The following ARHGEF37 variants were observed in gnomAD, a reference collection of about 807,000 sequenced individuals.
ARHGEF37 encodes Rho guanine nucleotide exchange factor 37, also known as Rho guanine nucleotide exchange factor (GEF) 37.
Under a neutral mutation model 71.1 loss-of-function variants are expected in ARHGEF37, and 55 were observed. That is an observed-to-expected ratio of 0.77 (90% confidence interval 0.62 to 0.97). ARHGEF37 has a LOEUF of 0.97. Among genes scored for constraint, ARHGEF37 ranks in the 50% least tolerant of loss-of-function variants. The pLI is 0.00. For missense variants in ARHGEF37, 765 were observed against 836.8 expected (o/e 0.91, Z 1.06); for synonymous variants, 327 against 350.6 (o/e 0.93, Z 0.75).
In ARHGEF37 at chr5:149,627,280, G is replaced by A. The variant is rs777741512; in HGVS notation, c.1660+9G>A. 10 of 1,609,772 alleles carry A rather than the reference G, an allele frequency of 6.2e-6. No homozygotes were observed. The highest frequency in any genetic ancestry group is 4.5e-5 in the East Asian group (2 of 44,848). On this transcript the variant is annotated intron_variant, in intron 11 of 12. Transcript: ENST00000333677. The stretch of plus-strand genomic sequence containing the variant: ...GCTGGTGGACACCGGGGGTACGTGA[G>A]CCTTTGGGAGCCCTTCTTCTCCTTC...
intron 3 of ARHGEF37, among the ~76,000 whole-genome samples, chr5:149,607,703 G>A (rs1763952522): frequency 6.6e-6 from 1 of 151,810 alleles, no homozygotes; most frequent in Admixed American, 6.6e-5. Flanking sequence ...GGGGCAGGGG[G>A]TGGATCTCAC....
At chr5:149,587,334 A>T (rs1213478568) in intron 1 of ARHGEF37, among the ~76,000 whole-genome samples, 1 of 152,186 alleles carries the variant, frequency 6.6e-6, no homozygotes, top group Non-Finnish European at 1.5e-5. Context: ...AACTTCATAC[A>T]TCTGATCAAT....
chr5:149,573,156 A>G (rs1762988537), intron 1 of ARHGEF37, among the ~76,000 whole-genome samples: 1 of 152,200 alleles, frequency 6.6e-6, no homozygotes, highest in Non-Finnish European at 1.5e-5. Flanking sequence ...CACCAGAGTA[A>G]GAATTTACTC....
intron 1 of ARHGEF37, among the ~76,000 whole-genome samples, chr5:149,582,440 A>T (rs957008908): frequency 6.6e-6 from 1 of 152,210 alleles, no homozygotes; most frequent in Non-Finnish European, 1.5e-5. Flanking sequence ...GTGATCCAGG[A>T]AGCATAGTTT....
rs192473422 is a variant in ARHGEF37 at position 149,564,427 on chromosome 5, A to G, written c.-12+12304A>G. Among the ~76,000 whole-genome samples the G allele has an allele frequency of 1.2e-3, 178 of 152,234 alleles. 2 individuals are homozygous for G. Among genetic ancestry groups the G allele is most frequent in the Middle Eastern group, 3.4e-3 (1 of 294 alleles). ...CTTGAACTCAAATTTTTCTTACTCCAAAGAACCTGCTTTTTCATTTCTCCC... is the reference window on the plus strand; with the variant it reads ...CTTGAACTCAAATTTTTCTTACTCCGAAGAACCTGCTTTTTCATTTCTCCC... On this transcript the variant is annotated intron_variant, in intron 1 of 2. Transcript: ENST00000505810.
intron 8 of ARHGEF37, 31 bp from the exon 9 acceptor site, chr5:149,621,702 T>C (rs1294993599): frequency 8.9e-6 from 14 of 1,581,474 alleles, no homozygotes; most frequent in Non-Finnish European, 1.2e-5. Context: ...CCACCTCCTT[T>C]CCCGACTCCC....
chr5:149,555,428 C>T lies in ARHGEF37; in HGVS notation c.-12+3305C>T, dbSNP rs895032163. Among the ~76,000 whole-genome samples the T allele has an allele frequency of 4.4e-4, 67 of 151,960 alleles. 1 individual carries two copies. Among genetic ancestry groups the T allele is most frequent in the Admixed American group, 1.2e-3 (18 of 15,254 alleles). On this transcript the variant is annotated intron_variant, in intron 1 of 2. Coordinates refer to the ARHGEF37 transcript ENST00000505810. Reference sequence around the variant, plus strand: ...AAGCAATCCCCCTGCCTCAAGCTTCCCCAGTAGCTAGGACTATAGGCAGGC... The same window carrying T: ...AAGCAATCCCCCTGCCTCAAGCTTCTCCAGTAGCTAGGACTATAGGCAGGC...
At chr5:149,589,297 A>G (rs939244011) in intron 1 of ARHGEF37, among the ~76,000 whole-genome samples, 1 of 151,736 alleles carries the variant, frequency 6.6e-6, no homozygotes, top group Non-Finnish European at 1.5e-5. Context: ...AAGTTTTATT[A>G]TGTTTTTAAT....
intron 3 of ARHGEF37, 35 bp from the exon 4 acceptor site, chr5:149,609,513 C>G: frequency 6.2e-7 from 1 of 1,610,418 alleles, no homozygotes; most frequent in Non-Finnish European, 8.5e-7. Flanking sequence ...CACAGACATG[C>G]CCTTGACGAC....
intron 1 of ARHGEF37, among the ~76,000 whole-genome samples, chr5:149,558,266 G>C (rs902786955): frequency 6.6e-6 from 1 of 152,156 alleles, no homozygotes; most frequent in Non-Finnish European, 1.5e-5. Flanking sequence ...CCAGCACTTT[G>C]GGAGGCTGAG....
intron 12 of ARHGEF37, among the ~76,000 whole-genome samples, chr5:149,631,480 A>G (rs1043050316): frequency 6.6e-6 from 1 of 152,046 alleles, no homozygotes; most frequent in Admixed American, 6.5e-5. Context: ...CCAGTTCTAT[A>G]CTTTTCTGTA....
At chr5:149,598,046 T>C in intron 2 of ARHGEF37, 91 bp downstream of exon 2, 1 of 1,439,314 alleles carries the variant, frequency 6.9e-7, no homozygotes. Context: ...TGGGGCAAGC[T>C]TGACAGAAAG....
At chr5:149,628,127 C>T (rs1314734434) in intron 11 of ARHGEF37, among the ~76,000 whole-genome samples, 2 of 152,184 alleles carry the variant, frequency 1.3e-5, no homozygotes, top group African/African-American at 4.8e-5. Context: ...GGGTATTAAG[C>T]AAGGCCCCCG....
chr5:149,618,817 G>A (rs67057970), intron 6 of ARHGEF37, 121 bp from the exon 7 acceptor site: 42,556 of 796,664 alleles, frequency 0.053, 1,670 homozygotes, highest in East Asian at 0.17. Flanking sequence ...TTGGGGTTGC[G>A]AGAACCAGCT....
At position 149,632,058 on chromosome 5, in the gene ARHGEF37, T is replaced by C; in HGVS notation, c.1895T>C (p.Leu632Pro). ...SLQAGQPVTI[L>P]EAQDKKGNPE... ...CAGGCAGGCCAGCCTGTGACCATCC[T>C]GGAGGCCCAGGACAAGAAGGGGAAC... is the stretch of plus-strand genomic sequence containing the variant. Residue 632 changes from leucine to proline, a missense_variant, in exon 13 of 13, where the codon CTG becomes CCG. Physicochemically the swap from Leu to Pro is moderately conservative, Grantham distance 98. Around this residue, in one of 5 missense-constraint regions of ARHGEF37, gnomAD observed 390 missense variants for 407.4 expected, o/e 0.96. Transcript: ENST00000333677. 1 of 1,614,280 alleles carries C rather than the reference T, an allele frequency of 6.2e-7. No individual in the cohort carries two copies. The highest frequency in any genetic ancestry group is 8.5e-7 in the Non-Finnish European group (1 of 1,180,052).
intron 9 of ARHGEF37, 117 bp from the exon 10 acceptor site, chr5:149,623,888 AAGGTCTC>A: frequency 7.6e-7 from 1 of 1,307,770 alleles, no homozygotes; most frequent in East Asian, 2.4e-5. Context: ...GCACAGGGTC[AAGGTCTC>A]AGGACAGAGT....
At chr5:149,564,654 G>C (rs558960882) in intron 1 of ARHGEF37, among the ~76,000 whole-genome samples, 8 of 151,994 alleles carry the variant, frequency 5.3e-5, no homozygotes, top group Non-Finnish European at 1.0e-4. Flanking sequence ...GAGAAACCCC[G>C]TCTCTACTAA....
intron 10 of ARHGEF37, among the ~76,000 whole-genome samples, chr5:149,625,906 G>C (rs1278606385): frequency 6.6e-6 from 1 of 152,168 alleles, no homozygotes; most frequent in Non-Finnish European, 1.5e-5. Context: ...CCTCCCAGGG[G>C]TGACGCTGTT....
At chr5:149,566,333 CT>C (rs1160696523) in intron 1 of ARHGEF37, among the ~76,000 whole-genome samples, 2 of 151,820 alleles carry the variant, frequency 1.3e-5, no homozygotes, top group African/African-American at 4.8e-5. Context: ...CCTGTCTCTA[CT>C]AAAAATACAA....
Sources: allele counts gnomAD v4.1 joint callset (sites outside exome capture counted in the v4.1 genomes callset), GRCh38; gene constraint gnomAD v4.1.1; regional missense constraint gnomAD v4.1.1; transcripts MANE v1.5; gene names NCBI Gene and HGNC (gene_info 2026-07-23, HGNC 2026-07-21).